Variants in WNK1 observed in about 807,000 individuals in gnomAD.
The protein encoded by WNK1 is serine/threonine-protein kinase WNK1.
Under a neutral mutation model 222.8 loss-of-function variants are expected in WNK1, and 38 were observed. That is an observed-to-expected ratio of 0.17 (90% CI 0.13 to 0.22). The LOEUF (loss-of-function observed/expected upper bound fraction) is 0.22, where lower values mean the gene tolerates loss of function less well. Ranked by LOEUF, WNK1 falls within the 10% of genes least tolerant of loss-of-function variation. WNK1 has a pLI of 1.00. For synonymous variants in WNK1, 1,090 were observed against 1,092.9 expected (o/e 1.00, Z 0.05); for missense variants, 2,348 against 2,918.4 (o/e 0.80, Z 4.50).
chr12:825,436 C>T (rs1948275281), intron 2 of WNK1, among the ~76,000 whole-genome samples: 1 of 152,124 alleles, frequency 6.6e-6, no homozygotes, highest in African/African-American at 2.4e-5. Flanking sequence ...TGTACAATTT[C>T]ATGTAAAATA....
intron 27 of WNK1, 188 bp from the exon 28 acceptor site, chr12:908,287 C>A: frequency 2.6e-6 from 2 of 758,698 alleles, no homozygotes; most frequent in South Asian, 1.7e-5. Flanking sequence ...CAGACACACA[C>A]GCACATGACA....
intron 2 of WNK1, among the ~76,000 whole-genome samples, chr12:817,688 C>T (rs951881901): frequency 6.6e-6 from 1 of 152,116 alleles, no homozygotes; most frequent in Non-Finnish European, 1.5e-5. Flanking sequence ...CCTGTAATCC[C>T]AGCACTTTGA....
chr12:791,388 A>G (rs1021541261), intron 1 of WNK1, among the ~76,000 whole-genome samples: 2 of 152,156 alleles, frequency 1.3e-5, no homozygotes, highest in African/African-American at 4.8e-5. Flanking sequence ...AGTGGCTGTT[A>G]TAAATAATGA....
intron 1 of WNK1, among the ~76,000 whole-genome samples, chr12:804,841 C>T (rs1239419808): frequency 6.6e-6 from 1 of 151,154 alleles, no homozygotes; most frequent in Non-Finnish European, 1.5e-5. Context: ...CTTATTTTAC[C>T]TAGCTTAATG....
At chr12:787,063 A>AT (rs1944381545) in intron 1 of WNK1, among the ~76,000 whole-genome samples, 1 of 151,894 alleles carries the variant, frequency 6.6e-6, no homozygotes, top group South Asian at 2.1e-4. Context: ...CTTTTATGTA[A>AT]TTTTCATTAT....
rs1216267530 is a variant in WNK1, at chr12:911,265, A to C, written c.*2473A>C. 1 of 398,484 alleles carries C rather than the reference A, an allele frequency of 2.5e-6. No individual in the cohort carries two copies. The highest frequency in any genetic ancestry group is 3.6e-5 in the East Asian group (1 of 28,084). The allele number at this position is 398,484 out of a possible 1,614,324, so 24.7% of individuals were successfully genotyped here. ...AAATGTTTTCCTTACATTATTTAACAATGTACACTGTTAAAAATAAAAATA... is the reference window on the plus strand; with the variant it reads ...AAATGTTTTCCTTACATTATTTAACCATGTACACTGTTAAAAATAAAAATA... On this transcript the variant is annotated 3_prime_UTR_variant, in exon 28 of 28. Coordinates refer to ENST00000315939, the MANE Select transcript of WNK1 (RefSeq NM_018979.4).
Position 754,038 on chromosome 12 carries a change from G to A in WNK1, c.473G>A (p.Ser158Asn). The A allele has an allele frequency of 1.9e-6, 3 of 1,593,752 alleles. No homozygotes were observed. The highest frequency in any genetic ancestry group is 2.3e-5 in the East Asian group (1 of 44,084). ...VAGPAPSTVP[S>N]STSKDRPVSQ... ...GGCCCTGCCCCCTCGACTGTCCCCA[G>A]CAGTACCAGCAAAGACCGCCCAGTG... Residue 158 changes from serine (S) to asparagine (N), a missense_variant, in exon 1 of 28, where the codon AGC becomes AAC. Around this residue, in one of 13 missense-constraint regions of WNK1, gnomAD observed 185 missense variants for 159.2 expected, o/e 1.16. Coordinates refer to ENST00000315939, the MANE Select transcript of WNK1 (RefSeq NM_018979.4).
intron 1 of WNK1, among the ~76,000 whole-genome samples, chr12:787,829 C>T (rs757915276): frequency 6.6e-6 from 1 of 152,034 alleles, no homozygotes; most frequent in African/African-American, 2.4e-5. Flanking sequence ...GGATGCTTTA[C>T]ATTGTGTGTG....
At chr12:869,312 A>G in intron 8 of WNK1, 4 of 675,744 alleles carry the variant, frequency 5.9e-6, no homozygotes, top group East Asian at 2.7e-5. Context: ...TTTACCTATT[A>G]TATGTGAAAA....
intron 4 of WNK1, among the ~76,000 whole-genome samples, chr12:847,211 A>G (rs1269174323): frequency 2.6e-5 from 4 of 152,328 alleles, no homozygotes; most frequent in Non-Finnish European, 5.9e-5. Context: ...TCTGTAATTC[A>G]CAAGGCGGTA....
At chr12:890,617 C>G (rs1305776933) in intron 22 of WNK1, 104 bp downstream of exon 22, 1 of 1,161,568 alleles carries the variant, frequency 8.6e-7, no homozygotes, top group Non-Finnish European at 1.3e-6. Context: ...TATTTGATAA[C>G]TGAGGAGCAT....
intron 8 of WNK1, among the ~76,000 whole-genome samples, chr12:870,372 T>C (rs1231616246): frequency 1.3e-5 from 2 of 152,198 alleles, no homozygotes; most frequent in Admixed American, 6.5e-5. Context: ...TTTATAGACA[T>C]ACTACAGAAG....
At chr12:760,429 A>G (rs1254769688) in intron 1 of WNK1, among the ~76,000 whole-genome samples, 1 of 147,682 alleles carries the variant, frequency 6.8e-6, no homozygotes, top group Non-Finnish European at 1.5e-5. Context: ...TTAATCTATA[A>G]TGCTCATTTA....
At chr12:781,100 T>C (rs1485417464) in intron 1 of WNK1, 1 of 153,654 alleles carries the variant, frequency 6.5e-6, no homozygotes, top group Non-Finnish European at 1.5e-5. Flanking sequence ...TTTATTTCGT[T>C]AACAACAACA....
intron 3 of WNK1, 27 bp from the exon 4 acceptor site, chr12:829,976 G>A: frequency 6.2e-7 from 1 of 1,613,738 alleles, no homozygotes; most frequent in South Asian, 1.1e-5. Flanking sequence ...TGCTCGCATT[G>A]AGTCTGAATC....
At chr12:906,457 C>T in intron 26 of WNK1, 1 of 985,336 alleles carries the variant, frequency 1.0e-6, no homozygotes, top group East Asian at 1.1e-4. Context: ...TTTCTTGTCG[C>T]TTCTACATGG....
chr12:787,541 A>G (rs1944426313), intron 1 of WNK1, among the ~76,000 whole-genome samples: 2 of 152,224 alleles, frequency 1.3e-5, no homozygotes, highest in Non-Finnish European at 2.9e-5. Flanking sequence ...CAAAAGCTTG[A>G]AACTACATTA....
chr12:868,064 G>C (rs771816071), intron 8 of WNK1: 10 of 1,614,020 alleles, frequency 6.2e-6, no homozygotes, highest in Non-Finnish European at 8.5e-6. Flanking sequence ...GCTGAGGACT[G>C]TTGGCCAAAG....
chr12:820,256 T>G (rs1381259206), intron 2 of WNK1, among the ~76,000 whole-genome samples: 2 of 152,186 alleles, frequency 1.3e-5, no homozygotes, highest in African/African-American at 4.8e-5. Flanking sequence ...TTTTGTAGTT[T>G]CATTATACAA....
Sources: allele counts gnomAD v4.1 joint callset (sites outside exome capture counted in the v4.1 genomes callset), GRCh38; gene constraint gnomAD v4.1.1; regional missense constraint gnomAD v4.1.1; transcripts MANE v1.5; gene names NCBI Gene and HGNC (gene_info 2026-07-23, HGNC 2026-07-21).